Variants in RBFOX1 observed in about 807,000 individuals in gnomAD.
The protein encoded by RBFOX1 is RNA binding protein fox-1 homolog 1.
In RBFOX1, 8 loss-of-function variants were observed where a neutral mutation model predicts 57.7. That is an observed-to-expected ratio of 0.14 (90% CI 0.08 to 0.25). The LOEUF is 0.25. RBFOX1 is among the 10% of genes least tolerant of loss of function. RBFOX1 has a pLI of 1.00. For synonymous variants in RBFOX1, 326 were observed against 222.4 expected, an observed-to-expected ratio of 1.47 and a Z score of -4.15; for missense variants, 611 against 548.5, an observed-to-expected ratio of 1.11 and a Z score of -1.14.
chr16:6,330,854 C>T (rs1489928306), intron 2 of RBFOX1, among the ~76,000 whole-genome samples: 16 of 152,134 alleles, frequency 1.1e-4, no homozygotes, highest in Admixed American at 9.8e-4. Flanking sequence ...TAAGTGGAGA[C>T]ATTCTAGGGC....
At chr16:5,840,515 C>T (rs2056593577) in intron 3 of RBFOX1, among the ~76,000 whole-genome samples, 1 of 152,136 alleles carries the variant, frequency 6.6e-6, no homozygotes, top group South Asian at 2.1e-4. Context: ...TTCAGAACAC[C>T]AGGAACACAG....
intron 2 of RBFOX1, among the ~76,000 whole-genome samples, chr16:6,404,343 G>A (rs1255157716): frequency 6.6e-6 from 1 of 152,116 alleles, no homozygotes; most frequent in African/African-American, 2.4e-5. Context: ...AGCATCTGTG[G>A]ATTTTGGTAT....
intron 3 of RBFOX1, among the ~76,000 whole-genome samples, chr16:6,982,152 T>C (rs893454324): frequency 1.3e-5 from 2 of 152,202 alleles, no homozygotes; most frequent in Non-Finnish European, 2.9e-5. Flanking sequence ...TATCCATGTT[T>C]ATGGTATTGG....
intron 1 of RBFOX1, among the ~76,000 whole-genome samples, chr16:6,167,899 A>T (rs1032907612): frequency 6.6e-6 from 1 of 152,134 alleles, no homozygotes. Context: ...GTCCTTTTAA[A>T]AATTTTTGCC....
chr16:5,763,834 C>G (rs1597151270), intron 3 of RBFOX1, among the ~76,000 whole-genome samples: 1 of 152,350 alleles, frequency 6.6e-6, no homozygotes, highest in East Asian at 1.9e-4. Context: ...TTACACTCCT[C>G]TGAATGCGCT....
intron 1 of RBFOX1, among the ~76,000 whole-genome samples, chr16:5,370,883 T>C (rs2065841266): frequency 6.6e-6 from 1 of 152,186 alleles, no homozygotes; most frequent in South Asian, 2.1e-4. Context: ...AAGACTATGT[T>C]TCCCTGTTGT....
intron 1 of RBFOX1, among the ~76,000 whole-genome samples, chr16:6,227,578 C>G (rs1446163852): frequency 6.6e-6 from 1 of 151,520 alleles, no homozygotes; most frequent in Non-Finnish European, 1.5e-5. Context: ...AGCCACACGC[C>G]CTTCTCCTTT....
chr16:6,231,166 A>C (rs2097456242), intron 1 of RBFOX1, among the ~76,000 whole-genome samples: 1 of 151,932 alleles, frequency 6.6e-6, no homozygotes, highest in Non-Finnish European at 1.5e-5. Flanking sequence ...AGTCAAGGAA[A>C]AGGAAGTCGG....
chr16:7,101,462 T>G (rs551092867), intron 4 of RBFOX1, among the ~76,000 whole-genome samples: 1 of 152,206 alleles, frequency 6.6e-6, no homozygotes, highest in African/African-American at 2.4e-5. Flanking sequence ...TGCGTGAGAT[T>G]AGAGAATTTT....
At chr16:7,244,978 C>T (rs977010562) in intron 4 of RBFOX1, among the ~76,000 whole-genome samples, 40 of 152,194 alleles carry the variant, frequency 2.6e-4, no homozygotes, top group Admixed American at 1.3e-4. Context: ...GTGAGGAACT[C>T]ATGCCTGCCT....
intron 2 of RBFOX1, among the ~76,000 whole-genome samples, chr16:6,367,846 T>C (rs1385609326): frequency 6.6e-6 from 1 of 152,072 alleles, no homozygotes; most frequent in African/African-American, 2.4e-5. Context: ...AACCATCCTA[T>C]CTTCCCCCAG....
chr16:7,098,553 A>C (rs1371126291), intron 4 of RBFOX1, among the ~76,000 whole-genome samples: 3 of 152,220 alleles, frequency 2.0e-5, no homozygotes, highest in Non-Finnish European at 4.4e-5. Context: ...TAACACACAC[A>C]CATCAGCACC....
At chr16:5,707,317 T>A (rs1459379863) in intron 3 of RBFOX1, among the ~76,000 whole-genome samples, 1 of 152,240 alleles carries the variant, frequency 6.6e-6, no homozygotes, top group African/African-American at 2.4e-5. Flanking sequence ...CTGTAATTTC[T>A]GCTTCTGCTG....
chr16:6,577,829 A>C (rs1480583249), intron 2 of RBFOX1, among the ~76,000 whole-genome samples: 1 of 152,180 alleles, frequency 6.6e-6, no homozygotes, highest in Non-Finnish European at 1.5e-5. Context: ...GGAAAAAAAT[A>C]AACCAGATAG....
chr16:7,703,723 C>T (rs1288089114), intron 14 of RBFOX1, among the ~76,000 whole-genome samples: 2 of 152,160 alleles, frequency 1.3e-5, no homozygotes, highest in Non-Finnish European at 2.9e-5. Flanking sequence ...TTAACAAACA[C>T]GGGTTTATAT....
chr16:5,900,422 C>G (rs1027349285), intron 4 of RBFOX1, among the ~76,000 whole-genome samples: 9 of 152,066 alleles, frequency 5.9e-5, no homozygotes, highest in Admixed American at 2.0e-4. Context: ...AGAGAAAATT[C>G]CCCAAACAAC....
intron 4 of RBFOX1, among the ~76,000 whole-genome samples, chr16:7,460,389 A>ATATATATATATGTGTGTGTGTG: frequency 1.1e-5 from 1 of 87,260 alleles, no homozygotes; most frequent in African/African-American, 6.5e-5. Flanking sequence ...ATATATATAT[A>ATATATATATATGTGTGTGTGTG]TGTGTGTGTG....
At chr16:6,007,816 A>C (rs2094936178) in intron 4 of RBFOX1, among the ~76,000 whole-genome samples, 1 of 152,180 alleles carries the variant, frequency 6.6e-6, no homozygotes, top group Non-Finnish European at 1.5e-5. Context: ...TGAGGGATGC[A>C]CAGAACTTTG....
At chr16:5,998,671 C>T (rs76354919) in intron 4 of RBFOX1, among the ~76,000 whole-genome samples, 10,250 of 152,206 alleles carry the variant, frequency 0.067, 540 homozygotes, top group East Asian at 0.28. Context: ...GGTGTGTTGT[C>T]GTCCCATCCG....
Sources: allele counts gnomAD v4.1 joint callset (sites outside exome capture counted in the v4.1 genomes callset), GRCh38; gene constraint gnomAD v4.1.1; transcripts MANE v1.5; gene names NCBI Gene and HGNC (gene_info 2026-07-23, HGNC 2026-07-21).